The following AGBL5 variants were observed in gnomAD, a reference collection of about 807,000 sequenced individuals.
AGBL5 encodes AGBL carboxypeptidase 5.
AGBL5 carries 51 observed loss-of-function variants against 88.0 expected under a neutral mutation model. The ratio of observed to expected loss-of-function variants is 0.58; its 90% CI spans 0.46 to 0.73. AGBL5 has a LOEUF of 0.73. AGBL5 is among the 30% of genes least tolerant of loss of function. AGBL5 has a pLI of 0.00. For missense variants in AGBL5, 1,031 were observed against 1,162.2 expected, an observed-to-expected ratio of 0.89 and a Z score of 1.64; for synonymous variants, 446 against 438.8, an observed-to-expected ratio of 1.02 and a Z score of -0.21.
chr2:27,055,577 C>A, intron 6 of AGBL5, 105 bp from the exon 7 acceptor site: 1 of 1,062,776 alleles, frequency 9.4e-7, no homozygotes, highest in South Asian at 1.6e-5. Context: ...GCTTCAGCCT[C>A]TCATTTGATA....
At chr2:27,059,458 TG>T (rs1351902972) in intron 11 of AGBL5, 54 bp downstream of exon 11, 2 of 1,606,848 alleles carry the variant, frequency 1.2e-6, no homozygotes, top group Admixed American at 1.7e-5. Context: ...GGGGCATTGC[TG>T]GGGGAAGTAA....
At chr2:27,057,494 C>T in intron 9 of AGBL5, 56 bp downstream of exon 9, 2 of 1,533,906 alleles carry the variant, frequency 1.3e-6, no homozygotes, top group East Asian at 2.3e-5. Flanking sequence ...CTGGAAAGGC[C>T]TTCACTCTTA....
rs539797528 is a variant in AGBL5, at chr2:27,056,940, G to A, written c.1535+148G>A. The A allele has an allele frequency of 1.8e-5, 17 of 936,820 alleles. No individual in the cohort carries two copies. In the South Asian group the frequency reaches 3.6e-4, roughly 20 times the overall value. 58.0% of individuals were successfully genotyped at this position (936,820 alleles called of 1,614,324 possible). On this transcript the variant is annotated intron_variant, in intron 8 of 14. Transcript: ENST00000360131. ...GAACCTGGGAGGCAGAGGTTGTGGCGAGCCGAGATCGTGCCATTGCACTCC... is the reference window on the plus strand; with the variant it reads ...GAACCTGGGAGGCAGAGGTTGTGGCAAGCCGAGATCGTGCCATTGCACTCC...
Position 27,057,114 on chromosome 2 carries a change from C to T in AGBL5, c.1536-189C>T, listed in dbSNP as rs927143564. Reference sequence around the variant, plus strand: ...TATTGTCTTTAGTCTAGGACTCTACCTTGGGGGGACTCTCTGGGTATATGG... The same window carrying T: ...TATTGTCTTTAGTCTAGGACTCTACTTTGGGGGGACTCTCTGGGTATATGG... On this transcript the variant is annotated intron_variant, in intron 8 of 14. Transcript: ENST00000360131. The T allele has an allele frequency of 3.7e-5, 23 of 617,776 alleles. No homozygotes were observed. In the Admixed American group the frequency reaches 7.5e-4, roughly 20 times the overall value. The allele number at this position is 617,776 out of a possible 1,614,324, so 38.3% of individuals were successfully genotyped here.
Position 27,053,785 on chromosome 2 carries a change from G to A in AGBL5, c.388-111G>A. ...TTTCATATAGAAAGTGTCACAGGGA[G>A]GGAAGTTGGTAAAGGTGATAAGGGT... On this transcript the variant is annotated intron_variant, in intron 3 of 14. Transcript: ENST00000360131. The surrounding 1 kb of genome is among the most constrained non-coding windows in gnomAD (Gnocchi z 4.9). 3 of 1,456,670 alleles carry A rather than the reference G, an allele frequency of 2.1e-6. No homozygotes were observed. Among genetic ancestry groups the A allele is most frequent in the African/African-American group, 1.4e-5 (1 of 70,572 alleles). The allele number at this position is 1,456,670 out of a possible 1,614,324, so 90.2% of individuals were successfully genotyped here.
chr2:27,057,496 T>G, intron 9 of AGBL5, 58 bp downstream of exon 9: 1 of 1,529,792 alleles, frequency 6.5e-7, no homozygotes, highest in Non-Finnish European at 8.8e-7. Flanking sequence ...GGAAAGGCCT[T>G]CACTCTTAGT....
Position 27,054,622 on chromosome 2 carries a change from C to G in AGBL5, c.552-8C>G, listed in dbSNP as rs1289992178. On this transcript the variant is annotated splice_region_variant and splice_polypyrimidine_tract_variant and intron_variant, in intron 4 of 14. Coordinates refer to ENST00000360131, the MANE Select transcript of AGBL5 (RefSeq NM_021831.6). ...ACTTCTCCTGGCTTAATTTTTTTTT[C>G]CCTGTAGCCCCCTGGATACCATCTA... is the stretch of plus-strand genomic sequence containing the variant. The G allele has an allele frequency of 6.3e-7, 1 of 1,597,218 alleles. No individual in the cohort carries two copies. Among genetic ancestry groups the G allele is most frequent in the Non-Finnish European group, 8.5e-7 (1 of 1,173,844 alleles).
rs145898507 is a variant in AGBL5 at position 27,057,645 on chromosome 2, C to T, written c.1671+207C>T. ...TGAACAGGCACTATATCTGACCCCA[C>T]ATCACAGAGAATCCCCTAGCACCTC... On this transcript the variant is annotated intron_variant, in intron 9 of 14. Transcript: ENST00000360131. Among the ~76,000 whole-genome samples, 268 of 152,362 alleles carry T rather than the reference C, an allele frequency of 1.8e-3. 2 individuals carry two copies. Among genetic ancestry groups the T allele is most frequent in the African/African-American group, 6.2e-3 (257 of 41,580 alleles).
In AGBL5 at chr2:27,053,263, C is replaced by T. The variant is rs1054955183; in HGVS notation, c.215+90C>T. The T allele has an allele frequency of 7.9e-6, 12 of 1,519,070 alleles. No individual in the cohort carries two copies. The highest frequency in any genetic ancestry group is 9.8e-6 in the Non-Finnish European group (11 of 1,122,060). 94.1% of individuals were successfully genotyped at this position (1,519,070 alleles called of 1,614,324 possible). A position where few individuals can be genotyped will look rare whatever the true frequency, so the allele number is the denominator to read the frequency against. On this transcript the variant is annotated intron_variant, in intron 2 of 14. Transcript: ENST00000360131. This position sits in a 1 kb window ranked among gnomAD's most constrained non-coding sequence, Gnocchi z 4.9. ...TTATCTGTTCATACCCAGCATACTC[C>T]CTGTCCATTTCTGACCCATCGTCCC...
chr2:27,053,456 C>G lies in AGBL5; in HGVS notation c.270C>G (p.Ile90Met). ...RGGMPGKLIK[I>M]NIMNMNKQSK... ...GAATGCCAGGAAAACTCATCAAGAT[C>G]AACATTATGAACATGAACAAGCAGA... The change falls in exon 3 of 15, where the codon ATC becomes ATG. Residue 90 changes from isoleucine (I) to methionine (M), a missense_variant. Around this residue, in one of 2 missense-constraint regions of AGBL5, gnomAD observed 540 missense variants for 678.2 expected, o/e 0.80. Coordinates refer to ENST00000360131, the MANE Select transcript of AGBL5 (RefSeq NM_021831.6). This position sits in a 1 kb window ranked among gnomAD's most constrained non-coding sequence, Gnocchi z 4.9. 1 of 1,614,120 alleles carries G rather than the reference C, an allele frequency of 6.2e-7. No individual in the cohort carries two copies. Among genetic ancestry groups the G allele is most frequent in the Non-Finnish European group, 8.5e-7 (1 of 1,180,030 alleles).
chr2:27,050,875 G>A (rs551671765), upstream of AGBL5: 36 of 152,308 alleles, frequency 2.4e-4, no homozygotes, highest in African/African-American at 7.0e-4. Context: ...GAAGGACTTC[G>A]TCTGTAATTT....
At position 27,053,101 on chromosome 2, in the gene AGBL5, C is replaced by CT; in HGVS notation, c.145dup (p.Ser49PhefsTer3). ...TCAGCCCTGACCAGTGGCATTGCCT[C>CT]TTCCCCTGACTATGAATTCAACGTG... is the stretch of plus-strand genomic sequence containing the variant. On this transcript the variant is annotated frameshift_variant, in exon 2 of 15. Coordinates refer to ENST00000360131, the MANE Select transcript of AGBL5 (RefSeq NM_021831.6). LOFTEE classifies it high-confidence loss of function. This position sits in a 1 kb window ranked among gnomAD's most constrained non-coding sequence, Gnocchi z 4.9. The CT allele has an allele frequency of 6.2e-7, 1 of 1,613,046 alleles. No individual in the cohort carries two copies. The highest frequency in any genetic ancestry group is 8.5e-7 in the Non-Finnish European group (1 of 1,179,370).
chr2:27,058,705 G>C (rs1668566151), intron 10 of AGBL5, 103 bp downstream of exon 10: 1 of 1,266,440 alleles, frequency 7.9e-7, no homozygotes, highest in Non-Finnish European at 1.1e-6. Flanking sequence ...TCCTCAAAGT[G>C]CCAAATGGCA....
rs761626323 is a variant in AGBL5, at chr2:27,059,246, C to G, written c.1931C>G (p.Thr644Ser). The change falls in exon 11 of 15, where the codon ACC becomes AGC. Residue 644 changes from threonine (T) to serine (S), a missense_variant. This residue lies in a region of AGBL5 where 491 missense variants were observed against 484.0 expected (regional missense o/e 1.01). Coordinates refer to ENST00000360131, the MANE Select transcript of AGBL5 (RefSeq NM_021831.6). Reference sequence around the variant, plus strand: ...TTGAGTCGGGCACGAAGTTTTAGCACCGGCACAAGTGCCGGTGGTAGCAGC... The same window carrying G: ...TTGAGTCGGGCACGAAGTTTTAGCAGCGGCACAAGTGCCGGTGGTAGCAGC... ...NTLSRARSFS[T>S]GTSAGGSSSS... The G allele has an allele frequency of 1.9e-5, 30 of 1,614,068 alleles. No individual in the cohort carries two copies. The highest frequency in any genetic ancestry group is 2.4e-5 in the Non-Finnish European group (28 of 1,180,034).
At position 27,067,505 on chromosome 2, in the gene AGBL5, C is replaced by T. The variant is rs548149344; in HGVS notation, c.2101C>T (p.Gln701Ter). 1.0e-4 allele frequency: 168 copies of T among 1,613,992 alleles called. 2 individuals are homozygous for T. The South Asian group carries it at 1.7e-3, about 17-fold the overall frequency. Residue 701 changes from glutamine to a stop codon, truncating the protein, a stop_gained, in exon 12 of 15, where the codon CAG (glutamine) becomes TAG (stop). Transcript: ENST00000360131. LOFTEE classifies it high-confidence loss of function. ...TCTCTTCCACTCAGAGCCCCGAAGCCAGGACAGGAGACGGCAGCAGCAGCC... is the reference window on the plus strand; with the variant it reads ...TCTCTTCCACTCAGAGCCCCGAAGCTAGGACAGGAGACGGCAGCAGCAGCC... ...VLGPVREPRS[Q>*]DRRRQQQPLN...
At chr2:27,065,897 G>A (rs966486154) in intron 11 of AGBL5, among the ~76,000 whole-genome samples, 3 of 152,320 alleles carry the variant, frequency 2.0e-5, no homozygotes, top group East Asian at 1.9e-4. Flanking sequence ...TCCTACTAAG[G>A]ATTTGCAGAC....
intron 11 of AGBL5, chr2:27,062,896 G>C (rs769555405): frequency 5.9e-5 from 9 of 152,242 alleles, no homozygotes; most frequent in Non-Finnish European, 1.0e-4. Context: ...TAGGTGAAGA[G>C]AGCAGTAGCT....
At chr2:27,068,311 A>T (rs1224668002) in intron 12 of AGBL5, among the ~76,000 whole-genome samples, 1 of 152,154 alleles carries the variant, frequency 6.6e-6, no homozygotes, top group Non-Finnish European at 1.5e-5. Context: ...TTCCGATTCT[A>T]GCCTGGAGTT....
intron 11 of AGBL5, chr2:27,062,671 G>A (rs1391086437): frequency 6.6e-6 from 1 of 152,196 alleles, no homozygotes; most frequent in Admixed American, 6.5e-5. Flanking sequence ...CTGAGGGTTT[G>A]GGGAACTACT....
Sources: gnomAD v4.1 joint callset for allele counts (sites outside exome capture counted in the v4.1 genomes callset) on GRCh38, gnomAD v4.1.1 for gene constraint, gnomAD v4.1.1 regional missense constraint, Gnocchi (gnomAD v3.1) non-coding constraint, MANE v1.5 for transcripts, NCBI Gene and HGNC (gene_info 2026-07-23, HGNC 2026-07-21) for gene names.